The following ADARB1 variants were observed in gnomAD, a reference collection of about 807,000 sequenced individuals.
ADARB1 encodes the protein double-stranded RNA-specific editase 1.
ADARB1 carries 10 observed loss-of-function variants against 52.4 expected under a neutral mutation model. The observed-to-expected ratio is 0.19, with a 90% CI of 0.12 to 0.32. The LOEUF (loss-of-function observed/expected upper bound fraction) is 0.32. Among genes scored for constraint, ADARB1 ranks in the 10% least tolerant of loss-of-function variants. The pLI, the probability that ADARB1 is intolerant of heterozygous loss-of-function variation, is 1.00. For synonymous variants in ADARB1, 349 were observed against 371.1 expected, an observed-to-expected ratio of 0.94 and a Z score of 0.68; for missense variants, 643 against 922.3, an observed-to-expected ratio of 0.70 and a Z score of 3.92.
At chr21:45,194,268 A>G (rs1308403899) in intron 8 of ADARB1, among the ~76,000 whole-genome samples, 2 of 152,174 alleles carry the variant, frequency 1.3e-5, no homozygotes, top group Non-Finnish European at 2.9e-5. Context: ...ATTCATTACA[A>G]TCGAAGACAC....
intron 1 of ADARB1, among the ~76,000 whole-genome samples, chr21:45,105,880 C>CT (rs1165036828): frequency 6.6e-6 from 1 of 152,160 alleles, no homozygotes; most frequent in Non-Finnish European, 1.5e-5. Context: ...TGAGTGAGTT[C>CT]TTTTTTTATA....
rs181052799 is a variant in ADARB1 at position 45,140,539 on chromosome 21, C to T, written c.-48+11966C>T. On this transcript the variant is annotated intron_variant, in intron 2 of 10. Transcript: ENST00000348831. ...AGAACAGCAGATGGTGCTGTAGGGCCGCTTCTAAGACTCAGTGGAGGAGGC... is the reference window on the plus strand; with the variant it reads ...AGAACAGCAGATGGTGCTGTAGGGCTGCTTCTAAGACTCAGTGGAGGAGGC... Among the ~76,000 whole-genome samples, 1,140 of 152,232 alleles carry T rather than the reference C, an allele frequency of 7.5e-3. 8 individuals are homozygous for T. Among genetic ancestry groups the T allele is most frequent in the Non-Finnish European group, 0.012 (843 of 68,014 alleles).
At chr21:45,121,069 T>C (rs2088149691) in intron 1 of ADARB1, 1 of 152,196 alleles carries the variant, frequency 6.6e-6, no homozygotes, top group Non-Finnish European at 1.5e-5. Context: ...AAGCCGCTGA[T>C]AGTTCATGTC....
At chr21:45,110,637 T>C (rs2087491085) in intron 1 of ADARB1, among the ~76,000 whole-genome samples, 1 of 152,242 alleles carries the variant, frequency 6.6e-6, no homozygotes, top group South Asian at 2.1e-4. Flanking sequence ...CTTTTGGAAA[T>C]TGTAATATTC....
At chr21:45,162,931 C>G (rs1226734172) in intron 2 of ADARB1, among the ~76,000 whole-genome samples, 1 of 152,238 alleles carries the variant, frequency 6.6e-6, no homozygotes, top group Non-Finnish European at 1.5e-5. Flanking sequence ...CAGCACCAGA[C>G]ACTTCAGACC....
intron 1 of ADARB1, among the ~76,000 whole-genome samples, chr21:45,083,932 C>G (rs2123642925): frequency 6.6e-6 from 1 of 152,328 alleles, no homozygotes; most frequent in East Asian, 1.9e-4. Flanking sequence ...AGCTCCTGGA[C>G]TCAAGGGATC....
chr21:45,143,749 C>T (rs2089860124), intron 2 of ADARB1, among the ~76,000 whole-genome samples: 1 of 152,208 alleles, frequency 6.6e-6, no homozygotes, highest in South Asian at 2.1e-4. Flanking sequence ...TTCCTTTCTT[C>T]ACTCTTCCCA....
intron 1 of ADARB1, among the ~76,000 whole-genome samples, chr21:45,109,869 C>T (rs1299886827): frequency 3.3e-5 from 5 of 152,180 alleles, no homozygotes; most frequent in Non-Finnish European, 2.9e-5. Flanking sequence ...GGTTGTACGT[C>T]AGTATGTGGT....
At chr21:45,118,807 G>A (rs564267006) in intron 1 of ADARB1, among the ~76,000 whole-genome samples, 167 of 152,280 alleles carry the variant, frequency 1.1e-3, no homozygotes, top group Non-Finnish European at 2.0e-3. Context: ...GAATAAAAGC[G>A]TTCCCTATGG....
chr21:45,203,724 C>T (rs2092610059), intron 8 of ADARB1, among the ~76,000 whole-genome samples: 1 of 152,224 alleles, frequency 6.6e-6, no homozygotes, highest in Non-Finnish European at 1.5e-5. Flanking sequence ...CATTCAGTGC[C>T]ATTGTCACTT....
intron 2 of ADARB1, among the ~76,000 whole-genome samples, chr21:45,137,859 G>A (rs921009107): frequency 6.6e-5 from 10 of 151,876 alleles, no homozygotes; most frequent in Non-Finnish European, 1.3e-4. Context: ...CATGGGAGGT[G>A]GGCACCCCAG....
chr21:45,101,558 T>C (rs185734975), intron 1 of ADARB1, among the ~76,000 whole-genome samples: 1 of 152,350 alleles, frequency 6.6e-6, no homozygotes, highest in Admixed American at 6.5e-5. Flanking sequence ...TTTGCTAGCG[T>C]TTAACATTTA....
At position 45,223,503 on chromosome 21, in the gene ADARB1, G is replaced by A. The variant is rs1047762723; in HGVS notation, c.*1306G>A. Reference sequence around the variant, plus strand: ...CAGGTGCCTTGTTGCCTCCGCTCAGGATGAAAGAGGAGCTGAGAGAAGTGC... The same window carrying A: ...CAGGTGCCTTGTTGCCTCCGCTCAGAATGAAAGAGGAGCTGAGAGAAGTGC... On this transcript the variant is annotated 3_prime_UTR_variant, in exon 11 of 11. Transcript: ENST00000348831. 1.0e-6 allele frequency: 1 copy of A among 985,546 alleles called. No individual in the cohort carries two copies. Among genetic ancestry groups the A allele is most frequent in the African/African-American group, 1.7e-5 (1 of 57,248 alleles). The allele number at this position is 985,546 out of a possible 1,614,324, so 61.1% of individuals were successfully genotyped here.
chr21:45,151,552 C>T (rs1444840475), intron 2 of ADARB1, among the ~76,000 whole-genome samples: 2 of 152,114 alleles, frequency 1.3e-5, no homozygotes, highest in Non-Finnish European at 2.9e-5. Context: ...TCCCCATAAT[C>T]GGACTCCTTC....
At position 45,222,687 on chromosome 21, in the gene ADARB1, A is replaced by T. The variant is rs2092986978; in HGVS notation, c.*490A>T. 1 of 986,506 alleles carries T rather than the reference A, an allele frequency of 1.0e-6. No homozygotes were observed. The highest frequency in any genetic ancestry group is 6.1e-5 in the Admixed American group (1 of 16,398). 61.1% of individuals were successfully genotyped at this position (986,506 alleles called of 1,614,324 possible). On this transcript the variant is annotated 3_prime_UTR_variant, in exon 11 of 11. Transcript: ENST00000348831. ...ATCTATATATGGAGGAGGGTGGGAA[A>T]ATAGAGGTAGGAAATAGTAGCCTAA... is the stretch of plus-strand genomic sequence containing the variant.
rs139792674 is a variant in ADARB1 at position 45,097,309 on chromosome 21, G to A, written c.-220+22516G>A. Among the ~76,000 whole-genome samples the A allele has an allele frequency of 3.5e-3, 531 of 152,278 alleles. 2 individuals carry two copies. The highest frequency in any genetic ancestry group is 0.012 in the African/African-American group (498 of 41,550). Reference sequence around the variant, plus strand: ...TGGGGAAGCCTGGTGTGCAAATGAGGGAGGCTAACATGATTTTCGGGCTAC... The same window carrying A: ...TGGGGAAGCCTGGTGTGCAAATGAGAGAGGCTAACATGATTTTCGGGCTAC... On this transcript the variant is annotated intron_variant, in intron 1 of 10. Coordinates refer to ENST00000348831, the MANE Select transcript of ADARB1 (RefSeq NM_001112.4).
At position 45,221,049 on chromosome 21, in the gene ADARB1, C is replaced by T. The variant is rs1314057714; in HGVS notation, c.1926+35C>T. On this transcript the variant is annotated intron_variant, in intron 10 of 10. Coordinates refer to ENST00000348831, the MANE Select transcript of ADARB1 (RefSeq NM_001112.4). The surrounding 1 kb of genome is among the most constrained non-coding windows in gnomAD (Gnocchi z 4.9). ...CGCCCTCACCGCAATGCGCCGGCTC[C>T]ACCTCCCCAATAGCTTGTCTGTCCT... 1.3e-6 allele frequency: 2 copies of T among 1,571,622 alleles called. No individual in the cohort carries two copies. The highest frequency in any genetic ancestry group is 2.3e-5 in the East Asian group (1 of 43,360).
At chr21:45,114,794 G>A (rs1469174726) in intron 1 of ADARB1, among the ~76,000 whole-genome samples, 1 of 152,214 alleles carries the variant, frequency 6.6e-6, no homozygotes, top group Non-Finnish European at 1.5e-5. Flanking sequence ...GCCATCTGCA[G>A]CAGGCACTGT....
chr21:45,194,832 T>G (rs1005199348), intron 8 of ADARB1, among the ~76,000 whole-genome samples: 2 of 152,238 alleles, frequency 1.3e-5, no homozygotes, highest in African/African-American at 2.4e-5. Context: ...TCCTGAAGGT[T>G]CATTGCTTCC....
Sources: gnomAD v4.1 joint callset for allele counts (sites outside exome capture counted in the v4.1 genomes callset) on GRCh38, gnomAD v4.1.1 for gene constraint, Gnocchi (gnomAD v3.1) non-coding constraint, MANE v1.5 for transcripts, NCBI Gene and HGNC (gene_info 2026-07-23, HGNC 2026-07-21) for gene names.